Variants in KIAA0825 observed in about 807,000 individuals in gnomAD.
The protein encoded by KIAA0825 is uncharacterized protein KIAA0825.
Under a neutral mutation model 147.6 loss-of-function variants are expected in KIAA0825, and 119 were observed. The ratio of observed to expected loss-of-function variants is 0.81; its 90% CI spans 0.69 to 0.94. KIAA0825 has a LOEUF of 0.94. Among genes scored for constraint, KIAA0825 ranks in the 40% least tolerant of loss-of-function variants. The pLI is 0.00. For synonymous variants in KIAA0825, 470 were observed against 518.1 expected, an observed-to-expected ratio of 0.91 and a Z score of 1.26; for missense variants, 1,381 against 1,472.7, an observed-to-expected ratio of 0.94 and a Z score of 1.02.
rs571848036 is a variant in KIAA0825, at chr5:94,569,499, A to C, written c.-2+12934T>G. 3 of 410,982 alleles carry C rather than the reference A, an allele frequency of 7.3e-6. No homozygotes were observed. In the South Asian group the frequency reaches 3.9e-4, roughly 54 times the overall value. 25.5% of individuals were successfully genotyped at this position (410,982 alleles called of 1,614,324 possible). On this transcript the variant is annotated intron_variant, in intron 2 of 20. Coordinates refer to ENST00000682413, the MANE Select transcript of KIAA0825 (RefSeq NM_001145678.3). ...GCACGGACTACAACCACGACCAATG[A>C]TATGAAAAACCATCGTTGTATTTCA...
At chr5:94,507,525 C>T (rs954510276) in intron 5 of KIAA0825, among the ~76,000 whole-genome samples, 3 of 145,872 alleles carry the variant, frequency 2.1e-5, no homozygotes, top group African/African-American at 7.6e-5. Context: ...GGTGAATTAG[C>T]AAAATGATGG....
At chr5:94,245,434 A>T (rs1324946695) in intron 20 of KIAA0825, among the ~76,000 whole-genome samples, 1 of 152,206 alleles carries the variant, frequency 6.6e-6, no homozygotes, top group African/African-American at 2.4e-5. Context: ...ATTTCTGAGT[A>T]GAGAAATCAC....
At chr5:94,589,021 C>T (rs757797161) in intron 1 of KIAA0825, among the ~76,000 whole-genome samples, 1 of 151,796 alleles carries the variant, frequency 6.6e-6, no homozygotes, top group Non-Finnish European at 1.5e-5. Context: ...GGCCTGTTGG[C>T]GGGTGGAGGG....
intron 20 of KIAA0825, among the ~76,000 whole-genome samples, chr5:94,337,816 T>C (rs1446906281): frequency 6.6e-6 from 1 of 151,854 alleles, no homozygotes; most frequent in Non-Finnish European, 1.5e-5. Context: ...CATGCAGGAG[T>C]TGTAGGCCAG....
intron 13 of KIAA0825, among the ~76,000 whole-genome samples, chr5:94,449,452 T>C (rs377140316): frequency 6.6e-6 from 1 of 152,044 alleles, no homozygotes; most frequent in Non-Finnish European, 1.5e-5. Flanking sequence ...AACACAATAA[T>C]AAACTAGGAC....
At chr5:94,256,005 C>G (rs1056507932) in intron 20 of KIAA0825, among the ~76,000 whole-genome samples, 1 of 151,952 alleles carries the variant, frequency 6.6e-6, no homozygotes, top group Non-Finnish European at 1.5e-5. Context: ...TAAGCCACCA[C>G]ACTTGGCCAA....
chr5:94,502,985 C>T lies in KIAA0825; in HGVS notation c.970+17263G>A, dbSNP rs537831665. Among the ~76,000 whole-genome samples the T allele has an allele frequency of 4.6e-5, 7 of 150,712 alleles. 1 individual carries two copies. In the East Asian group the frequency reaches 5.9e-4, roughly 13 times the overall value. On this transcript the variant is annotated intron_variant, in intron 5 of 20. Transcript: ENST00000682413. ...TTAGCTGGGCATGGTGGTGGGCGCC[C>T]GTAATCCCAGTTACTCAGGAGGCTG...
At chr5:94,587,390 A>G (rs1027915000) in intron 1 of KIAA0825, among the ~76,000 whole-genome samples, 1 of 152,208 alleles carries the variant, frequency 6.6e-6, no homozygotes, top group Non-Finnish European at 1.5e-5. Flanking sequence ...GCAGTCCTAT[A>G]CACCAAGAAC....
At chr5:94,227,466 G>A (rs1774294854) in intron 20 of KIAA0825, among the ~76,000 whole-genome samples, 1 of 151,872 alleles carries the variant, frequency 6.6e-6, no homozygotes, top group Non-Finnish European at 1.5e-5. Context: ...GTTAATGGGT[G>A]CAGCACACCA....
At chr5:94,306,880 C>A (rs1778777942) in intron 20 of KIAA0825, among the ~76,000 whole-genome samples, 1 of 151,768 alleles carries the variant, frequency 6.6e-6, no homozygotes, top group Non-Finnish European at 1.5e-5. Flanking sequence ...ATTTTCAAAT[C>A]ATTCAAATCA....
intron 1 of KIAA0825, among the ~76,000 whole-genome samples, chr5:94,587,838 C>G (rs1783603082): frequency 6.6e-6 from 1 of 152,096 alleles, no homozygotes; most frequent in Admixed American, 6.5e-5. Context: ...CTACTGGTAC[C>G]AAAACAGATA....
At chr5:94,573,124 G>A (rs1346981034) in intron 2 of KIAA0825, among the ~76,000 whole-genome samples, 1 of 151,212 alleles carries the variant, frequency 6.6e-6, no homozygotes, top group East Asian at 1.9e-4. Context: ...AAGCTTGGGG[G>A]GGTTGGGGGG....
At chr5:94,476,949 A>C (rs996762326) in intron 7 of KIAA0825, among the ~76,000 whole-genome samples, 162 bp downstream of exon 7, 28 of 152,228 alleles carry the variant, frequency 1.8e-4, no homozygotes, top group Admixed American at 1.7e-3. Flanking sequence ...CACTAAAGTG[A>C]ATTCTCATCA....
chr5:94,451,980 G>A (rs574571809), intron 13 of KIAA0825, among the ~76,000 whole-genome samples: 7 of 152,258 alleles, frequency 4.6e-5, no homozygotes, highest in Admixed American at 1.3e-4. Flanking sequence ...ATATTTATGG[G>A]CAAGATGGCA....
intron 19 of KIAA0825, 120 bp downstream of exon 19, chr5:94,386,122 C>A: frequency 1.2e-6 from 1 of 801,098 alleles, no homozygotes; most frequent in Non-Finnish European, 1.9e-6. Flanking sequence ...TAAATAAGAA[C>A]AAGGCCTTTT....
intron 1 of KIAA0825, chr5:94,593,588 CTA>C (rs1784730097): frequency 1.9e-6 from 1 of 538,998 alleles, no homozygotes; most frequent in Non-Finnish European, 3.5e-6. Context: ...CTTAAATCAA[CTA>C]TGTTATTGAT....
intron 15 of KIAA0825, among the ~76,000 whole-genome samples, chr5:94,412,273 C>T (rs1175727547): frequency 1.3e-5 from 2 of 152,148 alleles, no homozygotes; most frequent in African/African-American, 4.8e-5. Flanking sequence ...ACTACCTACC[C>T]CTTAGAATAA....
chr5:94,290,028 CTT>C (rs1441623164), intron 20 of KIAA0825, among the ~76,000 whole-genome samples: 1 of 150,952 alleles, frequency 6.6e-6, no homozygotes, highest in Non-Finnish European at 1.5e-5. Context: ...GTCCTACTGA[CTT>C]TGCCATTTTA....
intron 1 of KIAA0825, among the ~76,000 whole-genome samples, chr5:94,614,789 T>A (rs2152448587): frequency 6.6e-6 from 1 of 152,322 alleles, no homozygotes; most frequent in African/African-American, 2.4e-5. Context: ...ATTATTTGTT[T>A]ATATAACTTT....
Sources: allele counts gnomAD v4.1 joint callset (sites outside exome capture counted in the v4.1 genomes callset), GRCh38; gene constraint gnomAD v4.1.1; transcripts MANE v1.5; gene names NCBI Gene and HGNC (gene_info 2026-07-23, HGNC 2026-07-21).